The following LARP7 variants were observed in gnomAD, a reference collection of about 807,000 sequenced individuals.
The protein encoded by LARP7 is La ribonucleoprotein 7, transcriptional regulator, also known as la-related protein 7.
In LARP7, 52 loss-of-function variants were observed where a neutral mutation model predicts 69.3. That is an observed-to-expected ratio of 0.75 (90% CI 0.60 to 0.95). The LOEUF (loss-of-function observed/expected upper bound fraction) is 0.95, where lower values mean the gene tolerates loss of function less well. Among genes scored for constraint, LARP7 ranks in the 40% least tolerant of loss-of-function variants. The pLI is 0.00. For synonymous variants in LARP7, 254 were observed against 215.9 expected, an observed-to-expected ratio of 1.18 and a Z score of -1.55; for missense variants, 733 against 673.0, an observed-to-expected ratio of 1.09 and a Z score of -0.99.
At chr4:112,637,635 C>T (rs1054488650) in intron 1 of LARP7, 1 of 152,292 alleles carries the variant, frequency 6.6e-6, no homozygotes, top group African/African-American at 2.4e-5. Flanking sequence ...TTATCATCTT[C>T]TTTTGCAGGA....
Position 112,644,849 on chromosome 4 carries a change from GAT to G in LARP7, c.182_183del (p.Ile61ArgfsTer4). ...LHKDRFLREQIEKSRDGYVDI... is the reference protein window; with the variant it reads ...LHKDRFLREQXEKSRDGYVDI... ...ACAAGGATAGATTTCTTCGAGAACA[GAT>G]AGAAAAATCTAGAGATGGATGTAAG... On this transcript the variant is annotated frameshift_variant, in exon 2 of 13. Coordinates refer to ENST00000344442, the MANE Select transcript of LARP7 (RefSeq NM_016648.4). LOFTEE classifies it high-confidence loss of function. 1.3e-6 allele frequency: 2 copies of G among 1,583,290 alleles called. No homozygotes were observed. The highest frequency in any genetic ancestry group is 1.7e-6 in the Non-Finnish European group (2 of 1,162,628).
At chr4:112,647,911 C>A in intron 8 of LARP7, 77 bp downstream of exon 8, 2 of 1,065,890 alleles carry the variant, frequency 1.9e-6, no homozygotes, top group Non-Finnish European at 2.9e-6. Flanking sequence ...AATTTATATT[C>A]AACAGAGTTG....
At chr4:112,648,295 A>G (rs1249558165) in intron 8 of LARP7, 1 of 527,310 alleles carries the variant, frequency 1.9e-6, no homozygotes, top group Non-Finnish European at 3.9e-6. Flanking sequence ...AACCTGTAAC[A>G]AGCTTAGTAA....
intron 12 of LARP7, among the ~76,000 whole-genome samples, chr4:112,656,462 G>T (rs2048959083): frequency 6.6e-6 from 1 of 152,092 alleles, no homozygotes; most frequent in Non-Finnish European, 1.5e-5. Flanking sequence ...TATCACAAAA[G>T]ATCAAGAAGA....
rs1560930623 is a variant in LARP7, at chr4:112,646,927, C to CA, written c.528dup (p.Glu177ArgfsTer8). On this transcript the variant is annotated frameshift_variant, in exon 5 of 13. Transcript: ENST00000344442. LOFTEE classifies it high-confidence loss of function. ...GGATTTGCGTTTGTGGAATTTGAAA[C>CA]AAAAGAACAAGCAGCAAAAGCAATT... 6.3e-7 allele frequency: 1 copy of CA among 1,596,320 alleles called. No individual in the cohort carries two copies.
At chr4:112,637,676 C>G (rs1238961405) in intron 1 of LARP7, 2 of 152,228 alleles carry the variant, frequency 1.3e-5, no homozygotes, top group Non-Finnish European at 2.9e-5. Flanking sequence ...AGTAAAAAAT[C>G]CAGTTACGGA....
intron 12 of LARP7, among the ~76,000 whole-genome samples, chr4:112,656,069 G>C (rs944569617): frequency 1.1e-4 from 16 of 151,956 alleles, no homozygotes; most frequent in African/African-American, 3.4e-4. Flanking sequence ...GTTGTATTTG[G>C]CCCATAATTG....
At chr4:112,652,557 C>T (rs1225770083) in intron 10 of LARP7, among the ~76,000 whole-genome samples, 3 of 151,862 alleles carry the variant, frequency 2.0e-5, no homozygotes, top group African/African-American at 7.3e-5. Flanking sequence ...AAAGTAAGAG[C>T]TCTTGAACAA....
Position 112,650,481 on chromosome 4 carries a change from C to A in LARP7, c.1315C>A (p.Arg439Ser). The change falls in exon 10 of 13, where the codon CGC (arginine) becomes AGC (serine). Residue 439 changes from arginine (R) to serine (S), a missense_variant. Coordinates refer to ENST00000344442, the MANE Select transcript of LARP7 (RefSeq NM_016648.4). ...ATCAGCAGCCAACAGGGAAGAGTGT[C>A]GCACCCAGGAGAAAGTTAATGCAAC... ...NEKTANREEC[R>S]TQEKVNATGP... The A allele has an allele frequency of 1.2e-6, 2 of 1,613,694 alleles. No homozygotes were observed. The highest frequency in any genetic ancestry group is 1.1e-5 in the South Asian group (1 of 91,058).
In LARP7 at chr4:112,647,139, T is replaced by C. The variant is rs747536949; in HGVS notation, c.646+12T>C. On this transcript the variant is annotated intron_variant, in intron 6 of 12. Coordinates refer to ENST00000344442, the MANE Select transcript of LARP7 (RefSeq NM_016648.4). ...CTTAAGAGTTGTGGGTGAGTATTTT[T>C]CAATATTTAAATAGGTGTAGTTGAA... is the stretch of plus-strand genomic sequence containing the variant. 1.8e-5 allele frequency: 29 copies of C among 1,600,646 alleles called. No individual in the cohort carries two copies. In the South Asian group the frequency reaches 3.3e-4, roughly 18 times the overall value.
At chr4:112,637,786 G>A (rs934843460) in intron 1 of LARP7, 1 of 152,254 alleles carries the variant, frequency 6.6e-6, no homozygotes, top group African/African-American at 2.4e-5. Flanking sequence ...AGATCTCAAA[G>A]AGTAAGATGC....
In LARP7 at chr4:112,646,885, C is replaced by G; in HGVS notation, c.482C>G (p.Ser161Cys). ...TATATAAGTATACCACATTATAAGT[C>G]TACTGGAGATCCAAAGGGATTTGCG... ...VVYISIPHYK[S>C]TGDPKGFAFV... The change falls in exon 5 of 13, where the codon TCT (serine) becomes TGT (cysteine). Residue 161 changes from serine to cysteine, a missense_variant. Ser to Cys is a moderately radical substitution (Grantham distance 112). Transcript: ENST00000344442. The G allele has an allele frequency of 1.2e-6, 2 of 1,608,200 alleles. No individual in the cohort carries two copies. The highest frequency in any genetic ancestry group is 8.5e-7 in the Non-Finnish European group (1 of 1,178,772).
rs1240137765 is a variant in LARP7 at position 112,649,664 on chromosome 4, C to A, written c.1272C>A (p.Asn424Lys). The change falls in exon 9 of 13, where the codon AAC becomes AAA. Residue 424 changes from asparagine (N) to lysine (K), a missense_variant. Physicochemically the swap from Asn to Lys is moderately conservative, Grantham distance 94. Transcript: ENST00000344442. The part of the protein sequence containing the change: ...EMETDSGVPQ[N>K]TGMKNEKTAN... ...AAACAGACAGTGGAGTACCTCAAAACACTGGAATGAAAAATGAAAAAAGTA... is the reference window on the plus strand; with the variant it reads ...AAACAGACAGTGGAGTACCTCAAAAAACTGGAATGAAAAATGAAAAAAGTA... 1 of 1,596,624 alleles carries A rather than the reference C, an allele frequency of 6.3e-7. No individual in the cohort carries two copies. The highest frequency in any genetic ancestry group is 1.8e-5 in the Admixed American group (1 of 56,264).
rs2048676000 is a variant in LARP7, at chr4:112,650,485, C to T, written c.1319C>T (p.Thr440Ile). Reference protein sequence around the residue: ...EKTANREECRTQEKVNATGPQ... With the variant: ...EKTANREECRIQEKVNATGPQ... ...GCAGCCAACAGGGAAGAGTGTCGCA[C>T]CCAGGAGAAAGTTAATGCAACAGGA... The change falls in exon 10 of 13, where the codon ACC becomes ATC. Residue 440 changes from threonine (T) to isoleucine (I), a missense_variant. By Grantham distance (89) the Thr-to-Ile change is moderately conservative. Coordinates refer to ENST00000344442, the MANE Select transcript of LARP7 (RefSeq NM_016648.4). 2 of 1,613,450 alleles carry T rather than the reference C, an allele frequency of 1.2e-6. No individual in the cohort carries two copies. The highest frequency in any genetic ancestry group is 1.7e-6 in the Non-Finnish European group (2 of 1,179,724).
Position 112,650,481 on chromosome 4 carries a change from C to T in LARP7, c.1315C>T (p.Arg439Cys), listed in dbSNP as rs149590351. The change falls in exon 10 of 13, where the codon CGC (arginine) becomes TGC (cysteine). Residue 439 changes from arginine to cysteine, a missense_variant. By Grantham distance (180) the Arg-to-Cys change is radical. Transcript: ENST00000344442. ...ATCAGCAGCCAACAGGGAAGAGTGT[C>T]GCACCCAGGAGAAAGTTAATGCAAC... The part of the protein sequence containing the change: ...NEKTANREEC[R>C]TQEKVNATGP... 5 of 1,613,578 alleles carry T rather than the reference C, an allele frequency of 3.1e-6. No individual in the cohort carries two copies. The highest frequency in any genetic ancestry group is 1.7e-5 in the Admixed American group (1 of 59,982).
At position 112,656,354 on chromosome 4, in the gene LARP7, C is replaced by T. The variant is rs188515505; in HGVS notation, c.1669-893C>T. Among the ~76,000 whole-genome samples, 739 of 152,146 alleles carry T rather than the reference C, an allele frequency of 4.9e-3. 11 individuals are homozygous for T. The highest frequency in any genetic ancestry group is 0.017 in the African/African-American group (696 of 41,508). ...TGGAGGTTGCAGTGAGCCAAGATGGCGCCACTGCACCACAGCCTGGGCAAC... is the reference window on the plus strand; with the variant it reads ...TGGAGGTTGCAGTGAGCCAAGATGGTGCCACTGCACCACAGCCTGGGCAAC... On this transcript the variant is annotated intron_variant, in intron 12 of 12. Coordinates refer to ENST00000344442, the MANE Select transcript of LARP7 (RefSeq NM_016648.4).
Position 112,654,186 on chromosome 4 carries a change from G to A in LARP7, c.1668+27G>A, listed in dbSNP as rs564040604. The A allele has an allele frequency of 3.1e-5, 47 of 1,519,582 alleles. No homozygotes were observed. In the South Asian group the frequency reaches 4.8e-4, roughly 16 times the overall value. 94.1% of individuals were successfully genotyped at this position (1,519,582 alleles called of 1,614,324 possible). On this transcript the variant is annotated intron_variant, in intron 12 of 12. Transcript: ENST00000344442. Reference sequence around the variant, plus strand: ...TAATTGATTCATTTTTGTTTTTTTAGACTAAACTTTCCTTGAACGTTTAAT... The same window carrying A: ...TAATTGATTCATTTTTGTTTTTTTAAACTAAACTTTCCTTGAACGTTTAAT...
At position 112,647,037 on chromosome 4, in the gene LARP7, C is replaced by G; in HGVS notation, c.556C>G (p.Leu186Val). 6.2e-7 allele frequency: 1 copy of G among 1,603,388 alleles called. No homozygotes were observed. The highest frequency in any genetic ancestry group is 1.1e-5 in the South Asian group (1 of 88,066). The change falls in exon 6 of 13, where the codon CTT becomes GTT. Residue 186 changes from leucine to valine, a missense_variant. Transcript: ENST00000344442. Reference sequence around the variant, plus strand: ...GTAACTTTTGCAATCATTTCAGTTTCTTAACAACCCACCAGAAGAAGCACC... The same window carrying G: ...GTAACTTTTGCAATCATTTCAGTTTGTTAACAACCCACCAGAAGAAGCACC... ...KEQAAKAIEF[L>V]NNPPEEAPRK...
intron 1 of LARP7, among the ~76,000 whole-genome samples, chr4:112,639,279 G>T (rs1224491787): frequency 6.8e-6 from 1 of 147,706 alleles, no homozygotes; most frequent in African/African-American, 2.5e-5. Flanking sequence ...GCACGATCTC[G>T]GCTCGCTGCA....
Sources: allele counts gnomAD v4.1 joint callset (sites outside exome capture counted in the v4.1 genomes callset), GRCh38; gene constraint gnomAD v4.1.1; transcripts MANE v1.5; gene names NCBI Gene and HGNC (gene_info 2026-07-23, HGNC 2026-07-21).